Variants in KATNAL2 observed in about 807,000 individuals in gnomAD.
KATNAL2 encodes katanin catalytic subunit A1 like 2, also known as katanin p60 ATPase-containing subunit A-like 2.
KATNAL2 carries 52 observed loss-of-function variants against 76.3 expected under a neutral mutation model. That is an observed-to-expected ratio of 0.68 (90% CI 0.55 to 0.86). The LOEUF is 0.86. KATNAL2 is among the 40% of genes least tolerant of loss of function. The pLI, the probability that KATNAL2 is intolerant of heterozygous loss-of-function variation, is 0.00. For missense variants in KATNAL2, 660 were observed against 668.9 expected (o/e 0.99, Z 0.15); for synonymous variants, 243 against 244.2 (o/e 1.00, Z 0.05).
intron 15 of KATNAL2, among the ~76,000 whole-genome samples, chr18:47,092,709 C>G (rs1267888004): frequency 6.6e-6 from 1 of 152,150 alleles, no homozygotes; most frequent in Non-Finnish European, 1.5e-5. Flanking sequence ...TGTCCTGCAC[C>G]TAGTCTATAG....
At chr18:47,086,564 C>G (rs1454782415) in intron 15 of KATNAL2, among the ~76,000 whole-genome samples, 1 of 152,212 alleles carries the variant, frequency 6.6e-6, no homozygotes, top group Non-Finnish European at 1.5e-5. Flanking sequence ...ATCCACCTGC[C>G]TCGGCCTCCC....
chr18:46,957,872 A>G (rs1215830461), intron 3 of KATNAL2, among the ~76,000 whole-genome samples: 2 of 151,558 alleles, frequency 1.3e-5, no homozygotes, highest in East Asian at 1.9e-4. Context: ...TAATTATTGT[A>G]TTTTTAGTAG....
At position 47,034,706 on chromosome 18, in the gene KATNAL2, C is replaced by T. The variant is rs149522210; in HGVS notation, c.52-11751C>T. ...CTTCCGGGTTGCTTCCCGGGCGCAG[C>T]GGGCTCAGGGCCCTCGGGCATCCGG... On this transcript the variant is annotated intron_variant, in intron 3 of 17. Transcript: ENST00000683218. 49 of 1,612,840 alleles carry T rather than the reference C, an allele frequency of 3.0e-5. No individual in the cohort carries two copies. Among genetic ancestry groups the T allele is most frequent in the Non-Finnish European group, 3.9e-5 (46 of 1,179,892 alleles).
chr18:47,100,717 C>T (rs182808418), intron 17 of KATNAL2, 149 bp from the exon 18 acceptor site: 1 of 1,010,638 alleles, frequency 9.9e-7, no homozygotes, highest in East Asian at 2.6e-5. Flanking sequence ...GAATTTTTCC[C>T]CAGCCCTCTT....
At chr18:46,918,247 A>G (rs1270719760) in intron 1 of KATNAL2, among the ~76,000 whole-genome samples, 1 of 152,176 alleles carries the variant, frequency 6.6e-6, no homozygotes, top group Non-Finnish European at 1.5e-5. Flanking sequence ...ATGCTGAGTC[A>G]AGATGGCCAG....
chr18:46,929,608 C>T (rs1333778326), intron 1 of KATNAL2, among the ~76,000 whole-genome samples: 4 of 152,108 alleles, frequency 2.6e-5, no homozygotes, highest in South Asian at 4.2e-4. Flanking sequence ...CTTATCCTTT[C>T]TCTTGCTGAT....
intron 3 of KATNAL2, among the ~76,000 whole-genome samples, chr18:46,952,452 T>G (rs1300085649): frequency 7.6e-6 from 1 of 131,496 alleles, no homozygotes; most frequent in Non-Finnish European, 1.5e-5. Context: ...CAGGCTGGAG[T>G]GCAATGGTGC....
chr18:47,100,218 C>A, intron 16 of KATNAL2, 36 bp from the exon 17 acceptor site: 1 of 1,473,824 alleles, frequency 6.8e-7, no homozygotes, highest in Non-Finnish European at 9.5e-7. Context: ...GAGCATTCTG[C>A]CCACTGACCA....
intron 3 of KATNAL2, among the ~76,000 whole-genome samples, chr18:46,949,731 C>A (rs1326287016): frequency 6.6e-6 from 1 of 152,186 alleles, no homozygotes; most frequent in Non-Finnish European, 1.5e-5. Flanking sequence ...AAGACATCAG[C>A]AAATCTTATT....
chr18:46,927,566 G>A (rs1165666008), intron 1 of KATNAL2, among the ~76,000 whole-genome samples: 1 of 151,962 alleles, frequency 6.6e-6, no homozygotes, highest in African/African-American at 2.4e-5. Flanking sequence ...ATGTGTCTTG[G>A]AATTGCTCTT....
intron 8 of KATNAL2, among the ~76,000 whole-genome samples, chr18:47,061,650 G>A (rs183101207): frequency 9.2e-4 from 140 of 152,286 alleles, no homozygotes; most frequent in African/African-American, 3.4e-3. Flanking sequence ...TTCAGAGTCA[G>A]CCTGTCTAGA....
rs556915947 is a variant in KATNAL2, at chr18:47,031,215, A to T, written c.52-15242A>T. Among the ~76,000 whole-genome samples, 318 of 150,820 alleles carry T rather than the reference A, an allele frequency of 2.1e-3. 2 individuals are homozygous for T. Among genetic ancestry groups the T allele is most frequent in the African/African-American group, 7.4e-3 (301 of 40,874 alleles). On this transcript the variant is annotated intron_variant, in intron 3 of 17. Coordinates refer to ENST00000683218, the MANE Select transcript of KATNAL2 (RefSeq NM_001387690.1). ...GGATCTTGCTCCCACCGGTTGTTTA[A>T]AATCTCCTCGGAAAGGCTTGCTCTG...
intron 1 of KATNAL2, among the ~76,000 whole-genome samples, chr18:46,936,511 G>T (rs889480770): frequency 3.9e-5 from 6 of 152,146 alleles, no homozygotes; most frequent in Admixed American, 6.6e-5. Flanking sequence ...AGGCTCAGGT[G>T]GGGGGATCGA....
chr18:47,033,161 G>T (rs751282738), intron 3 of KATNAL2: 3 of 1,614,098 alleles, frequency 1.9e-6, no homozygotes, highest in African/African-American at 1.3e-5. Flanking sequence ...AGCCAGCGAA[G>T]GATGCTGCTG....
chr18:46,931,337 A>AT (rs1599335006), intron 1 of KATNAL2, among the ~76,000 whole-genome samples: 2 of 151,498 alleles, frequency 1.3e-5, no homozygotes, highest in African/African-American at 4.8e-5. Flanking sequence ...AAAATAAAAA[A>AT]TTTAAAATTA....
intron 6 of KATNAL2, among the ~76,000 whole-genome samples, chr18:47,055,691 G>C (rs1397200300): frequency 6.6e-6 from 1 of 152,250 alleles, no homozygotes; most frequent in Non-Finnish European, 1.5e-5. Context: ...ATAACTGCTT[G>C]TGCATAGAAA....
chr18:47,058,275 C>T lies in KATNAL2; in HGVS notation c.373C>T (p.Gln125Ter). The T allele has an allele frequency of 1.2e-6, 2 of 1,614,038 alleles. No homozygotes were observed. Among genetic ancestry groups the T allele is most frequent in the South Asian group, 2.2e-5 (2 of 91,052 alleles). The change falls in exon 7 of 18, where the codon CAG (glutamine) becomes TAG (stop). Residue 125 changes from glutamine to a stop codon, truncating the protein, a stop_gained. Coordinates refer to ENST00000683218, the MANE Select transcript of KATNAL2 (RefSeq NM_001387690.1). LOFTEE classifies it high-confidence loss of function. ...TTGTCAAAATCTTCCCAAGATCAATCAGCAGAGGCCCCGGTCCAAAACCAC... is the reference window on the plus strand; with the variant it reads ...TTGTCAAAATCTTCCCAAGATCAATTAGCAGAGGCCCCGGTCCAAAACCAC... ...DSCQNLPKIN[Q>*]QRPRSKTTAG...
intron 3 of KATNAL2, chr18:47,033,079 T>C (rs202170793): frequency 6.8e-6 from 11 of 1,614,012 alleles, no homozygotes; most frequent in Non-Finnish European, 9.3e-6. Context: ...GGCAGCCTGT[T>C]TCCGGGTTTT....
At chr18:46,929,166 C>T (rs370740094) in intron 1 of KATNAL2, among the ~76,000 whole-genome samples, 45 of 151,768 alleles carry the variant, frequency 3.0e-4, no homozygotes, top group East Asian at 2.5e-3. Flanking sequence ...AATCATACAG[C>T]GTATACTCTT....
Sources: gnomAD v4.1 joint callset for allele counts (sites outside exome capture counted in the v4.1 genomes callset) on GRCh38, gnomAD v4.1.1 for gene constraint, MANE v1.5 for transcripts, NCBI Gene and HGNC (gene_info 2026-07-23, HGNC 2026-07-21) for gene names.